TRPS1: variants seen among roughly 807,000 people sequenced by gnomAD.
TRPS1 encodes the protein transcriptional repressor GATA binding 1.
A neutral mutation model predicts 101.2 loss-of-function variants in TRPS1; 6 were observed. That is an observed-to-expected ratio of 0.06 (90% confidence interval 0.03 to 0.12). The LOEUF is 0.12. Among genes scored for constraint, TRPS1 ranks in the 10% least tolerant of loss-of-function variants. The probability of loss-of-function intolerance (pLI) is 1.00; values close to 1 mark genes in which losing one functional copy is unlikely to be tolerated. For synonymous variants in TRPS1, 578 were observed against 589.8 expected (o/e 0.98, Z 0.29); for missense variants, 1,363 against 1,567.0 (o/e 0.87, Z 2.20).
chr8:115,498,415 C>CTCTCTCTCTCTCTCTATA (rs1486361297), intron 5 of TRPS1, among the ~76,000 whole-genome samples: 1 of 39,314 alleles, frequency 2.5e-5, no homozygotes, highest in African/African-American at 1.1e-4. Flanking sequence ...CTCTCTCTCT[C>CTCTCTCTCTCTCTCTATA]TATATATATA....
At chr8:115,505,091 C>G (rs1451566840) in intron 5 of TRPS1, among the ~76,000 whole-genome samples, 1 of 151,894 alleles carries the variant, frequency 6.6e-6, no homozygotes, top group Non-Finnish European at 1.5e-5. Context: ...CAGCCCTTTC[C>G]AAGACATCTG....
intron 5 of TRPS1, among the ~76,000 whole-genome samples, chr8:115,520,577 A>G (rs1815833723): frequency 6.6e-6 from 1 of 151,786 alleles, no homozygotes; most frequent in East Asian, 1.9e-4. Flanking sequence ...AAATTATGCA[A>G]AACTTGGAAA....
At chr8:115,632,531 C>T (rs1370647719) in intron 1 of TRPS1, among the ~76,000 whole-genome samples, 1 of 151,972 alleles carries the variant, frequency 6.6e-6, no homozygotes, top group Non-Finnish European at 1.5e-5. Context: ...GTATTACTTC[C>T]TGAATTTCTC....
intron 5 of TRPS1, among the ~76,000 whole-genome samples, chr8:115,502,909 A>G (rs926417403): frequency 5.9e-5 from 9 of 152,196 alleles, no homozygotes; most frequent in African/African-American, 2.2e-4. Context: ...TTCTTGGTAC[A>G]CAACCTACTG....
At chr8:115,514,120 ATTC>A (rs1396875142) in intron 5 of TRPS1, among the ~76,000 whole-genome samples, 1 of 151,772 alleles carries the variant, frequency 6.6e-6, no homozygotes, top group East Asian at 1.9e-4. Flanking sequence ...ATGTGAGTCT[ATTC>A]TTCTCCCAAT....
chr8:115,582,948 G>T (rs16887553), intron 5 of TRPS1, among the ~76,000 whole-genome samples: 1,595 of 152,244 alleles, frequency 0.01, 28 homozygotes, highest in African/African-American at 0.037. Context: ...ACATGGAGGA[G>T]TTTACCTGAA....
At position 115,418,724 on chromosome 8, in the gene TRPS1, G is replaced by A. The variant is rs1812982334; in HGVS notation, c.2701-272C>T. On this transcript the variant is annotated intron_variant, in intron 5 of 6. Transcript: ENST00000395715. The surrounding 1 kb of genome is among the most constrained non-coding windows in gnomAD (Gnocchi z 4.3). ...GAACTTTGGGTTTTATGGCTTTAAT[G>A]ATGGCTCCTAAATGCTGAACCCTAA... 6.6e-6 allele frequency among the ~76,000 whole-genome samples: 1 copy of A among 152,136 alleles called. No homozygotes were observed. Among genetic ancestry groups the A allele is most frequent in the African/African-American group, 2.4e-5 (1 of 41,442 alleles).
chr8:115,663,446 G>T (rs1811851750), intron 1 of TRPS1, among the ~76,000 whole-genome samples: 1 of 151,798 alleles, frequency 6.6e-6, no homozygotes, highest in African/African-American at 2.4e-5. Flanking sequence ...TAAACCACCA[G>T]GGAAGGTGTC....
At chr8:115,544,063 G>T (rs1203738770) in intron 5 of TRPS1, among the ~76,000 whole-genome samples, 2 of 151,540 alleles carry the variant, frequency 1.3e-5, no homozygotes, top group Non-Finnish European at 2.9e-5. Flanking sequence ...ATCAAGAAAT[G>T]TAAAGAACAT....
At chr8:115,440,100 C>T (rs1424956692) in intron 5 of TRPS1, among the ~76,000 whole-genome samples, 2 of 152,168 alleles carry the variant, frequency 1.3e-5, no homozygotes, top group African/African-American at 2.4e-5. Context: ...AAAGCAAACG[C>T]TAGCTTGGGA....
rs753034545 is a variant in TRPS1 at position 115,414,060 on chromosome 8, T to C, written c.3848A>G (p.Asn1283Ser). 5.6e-6 allele frequency: 9 copies of C among 1,613,754 alleles called. No individual in the cohort carries two copies. The highest frequency in any genetic ancestry group is 4.0e-5 in the African/African-American group (3 of 74,914). Reference protein sequence around the residue: ...THIQRGLHRNNAQVEKNGKPK... With the variant: ...THIQRGLHRNSAQVEKNGKPK... ...TTTTCCATTTTTTTCCACTTGTGCA[T>C]TGTTCCTATGCAGGCCCCTCTGGAT... Residue 1283 changes from asparagine to serine, a missense_variant, in exon 7 of 7, where the codon AAT (asparagine) becomes AGT (serine). Coordinates refer to ENST00000395715, the MANE Select transcript of TRPS1 (RefSeq NM_014112.5). The surrounding 1 kb of genome is among the most constrained non-coding windows in gnomAD (Gnocchi z 4.8).
At chr8:115,416,784 G>A (rs1431409358) in intron 6 of TRPS1, among the ~76,000 whole-genome samples, 1 of 151,954 alleles carries the variant, frequency 6.6e-6, no homozygotes, top group Non-Finnish European at 1.5e-5. Context: ...GTTAGTTTAA[G>A]AAAGAAAATG....
intron 5 of TRPS1, among the ~76,000 whole-genome samples, chr8:115,464,184 C>T (rs1335463465): frequency 6.6e-6 from 1 of 151,996 alleles, no homozygotes. Flanking sequence ...AGTAATAGAG[C>T]ACAGATTTTC....
rs548277215 is a variant in TRPS1 at position 115,648,982 on chromosome 8, A to G, written c.-122+19563T>C. 1.1e-4 allele frequency among the ~76,000 whole-genome samples: 16 copies of G among 152,328 alleles called. No homozygotes were observed. In the East Asian group the frequency reaches 2.9e-3, roughly 28 times the overall value. ...TACAAAGCCATAGGATTATCAGGAC[A>G]GTACCACATCCCTGTCATTCAACAA... On this transcript the variant is annotated intron_variant, in intron 1 of 6. Coordinates refer to ENST00000395715, the MANE Select transcript of TRPS1 (RefSeq NM_014112.5).
At chr8:115,476,591 T>C (rs1814613316) in intron 5 of TRPS1, among the ~76,000 whole-genome samples, 2 of 152,104 alleles carry the variant, frequency 1.3e-5, no homozygotes, top group Admixed American at 1.3e-4. Context: ...TTGAAGAAAA[T>C]CATATTGTAA....
intron 5 of TRPS1, among the ~76,000 whole-genome samples, chr8:115,499,004 T>C (rs951857090): frequency 6.6e-6 from 1 of 152,090 alleles, no homozygotes; most frequent in East Asian, 1.9e-4. Flanking sequence ...TACTTTTAAA[T>C]AAAAAAATAC....
At position 115,603,942 on chromosome 8, in the gene TRPS1, C is replaced by T; in HGVS notation, c.2027G>A (p.Ser676Asn). ...ACATTTGGTACATGAGTGTTCTTTG[C>T]TTTCCTTGACAGACTGCTGCCCATC... is the stretch of plus-strand genomic sequence containing the variant. ...GSDGQQSVKE[S>N]KEHSCTKCDF... is the part of the protein sequence containing the mutation. Residue 676 changes from serine (S) to asparagine (N), a missense_variant, in exon 4 of 7, where the codon AGC (serine) becomes AAC (asparagine). Physicochemically the swap from Ser to Asn is conservative, Grantham distance 46. Transcript: ENST00000395715. 1.2e-6 allele frequency: 2 copies of T among 1,613,970 alleles called. No homozygotes were observed. The highest frequency in any genetic ancestry group is 3.3e-5 in the Admixed American group (2 of 59,976).
At chr8:115,621,982 CAAT>C (rs1818405670) in intron 2 of TRPS1, among the ~76,000 whole-genome samples, 5 of 151,828 alleles carry the variant, frequency 3.3e-5, no homozygotes, top group Admixed American at 3.3e-4. Context: ...TCTTACACAT[CAAT>C]AATGTTATTC....
intron 5 of TRPS1, among the ~76,000 whole-genome samples, chr8:115,556,727 G>A (rs1035358994): frequency 6.6e-6 from 1 of 152,142 alleles, no homozygotes; most frequent in South Asian, 2.1e-4. Context: ...ACTTAATGAA[G>A]TTGGGAACAC....
Sources: gnomAD v4.1 joint callset for allele counts (sites outside exome capture counted in the v4.1 genomes callset) on GRCh38, gnomAD v4.1.1 for gene constraint, Gnocchi (gnomAD v3.1) non-coding constraint, MANE v1.5 for transcripts, NCBI Gene and HGNC (gene_info 2026-07-23, HGNC 2026-07-21) for gene names.